HELZ: variants seen among roughly 807,000 people sequenced by gnomAD.
HELZ encodes the protein ATP-dependent RNA helicase with zinc finger domain.
Under a neutral mutation model 218.2 loss-of-function variants are expected in HELZ, and 23 were observed. The observed-to-expected ratio is 0.11, with a 90% CI of 0.08 to 0.15. The LOEUF (loss-of-function observed/expected upper bound fraction) is 0.15. Among genes scored for constraint, HELZ ranks in the 10% least tolerant of loss-of-function variants. The pLI is 1.00. For synonymous variants in HELZ, 814 were observed against 829.4 expected (o/e 0.98, Z 0.32); for missense variants, 1,813 against 2,353.7 (o/e 0.77, Z 4.75).
At chr17:67,218,004 G>A (rs1422987370) in intron 4 of HELZ, among the ~76,000 whole-genome samples, 3 of 150,738 alleles carry the variant, frequency 2.0e-5, no homozygotes, top group South Asian at 2.1e-4. Flanking sequence ...GTGCAACCTC[G>A]GCTCCCTGCA....
At chr17:67,193,344 C>CAA (rs34516607) in intron 9 of HELZ, among the ~76,000 whole-genome samples, 21 of 91,852 alleles carry the variant, frequency 2.3e-4, no homozygotes, top group Admixed American at 7.0e-4. Flanking sequence ...GACTCTGTCT[C>CAA]AAAAAAAAAA....
chr17:67,127,042 G>T (rs968092526), intron 24 of HELZ, among the ~76,000 whole-genome samples: 2 of 152,154 alleles, frequency 1.3e-5, no homozygotes, highest in Admixed American at 6.5e-5. Flanking sequence ...GCACAGAGGT[G>T]AGAGCAACAA....
intron 21 of HELZ, among the ~76,000 whole-genome samples, chr17:67,138,785 C>T (rs1166200691): frequency 1.3e-5 from 2 of 152,184 alleles, no homozygotes; most frequent in African/African-American, 4.8e-5. Context: ...ATTTTTCAGA[C>T]CCCAATTACT....
At chr17:67,099,263 C>A (rs574634472) in intron 31 of HELZ, among the ~76,000 whole-genome samples, 20 of 152,112 alleles carry the variant, frequency 1.3e-4, no homozygotes, top group Non-Finnish European at 2.5e-4. Context: ...TCAGATTGTT[C>A]CTTTATTTTC....
At chr17:67,239,680 C>T (rs2041271930) in intron 2 of HELZ, 191 bp from the exon 3 acceptor site, 1 of 152,172 alleles carries the variant, frequency 6.6e-6, no homozygotes, top group African/African-American at 2.4e-5. Context: ...TAAAAACAAG[C>T]TTGGTTTAAT....
intron 3 of HELZ, among the ~76,000 whole-genome samples, chr17:67,222,970 G>A (rs542478739): frequency 6.6e-5 from 10 of 152,030 alleles, no homozygotes; most frequent in African/African-American, 2.4e-4. Flanking sequence ...AAGTGAGGCC[G>A]GGCACGGTGG....
chr17:67,213,689 T>C (rs1028972684), intron 5 of HELZ, among the ~76,000 whole-genome samples: 5 of 152,112 alleles, frequency 3.3e-5, no homozygotes, highest in Non-Finnish European at 5.9e-5. Context: ...CTTTTAAGAC[T>C]ATCCTATAAA....
At chr17:67,168,624 T>C (rs2039219049) in intron 13 of HELZ, among the ~76,000 whole-genome samples, 1 of 152,182 alleles carries the variant, frequency 6.6e-6, no homozygotes, top group African/African-American at 2.4e-5. Context: ...TTAAAATAAA[T>C]TTTCATTCAT....
At chr17:67,180,707 G>A (rs1363062180) in intron 12 of HELZ, among the ~76,000 whole-genome samples, 1 of 151,996 alleles carries the variant, frequency 6.6e-6, no homozygotes, top group Non-Finnish European at 1.5e-5. Flanking sequence ...GTGAAACCCA[G>A]TCTCTACTAA....
chr17:67,185,067 G>A (rs1022151987), intron 12 of HELZ, among the ~76,000 whole-genome samples: 1 of 152,126 alleles, frequency 6.6e-6, no homozygotes, highest in Non-Finnish European at 1.5e-5. Flanking sequence ...TGATGAACTG[G>A]CTGAGGCTGA....
At chr17:67,083,530 A>G (rs1449373052) in intron 32 of HELZ, among the ~76,000 whole-genome samples, 2 of 152,168 alleles carry the variant, frequency 1.3e-5, no homozygotes, top group African/African-American at 4.8e-5. Context: ...CAGGAGGCTG[A>G]GGCAGGATAA....
intron 12 of HELZ, among the ~76,000 whole-genome samples, chr17:67,181,635 T>C (rs910066852): frequency 2.0e-5 from 3 of 152,192 alleles, no homozygotes; most frequent in Admixed American, 2.0e-4. Flanking sequence ...TGCTAAATTT[T>C]ATTCCATTTA....
chr17:67,078,474 A>G lies in HELZ; in HGVS notation c.5607T>C (p.Leu1869=). 1 of 1,584,280 alleles carries G rather than the reference A, an allele frequency of 6.3e-7. No individual in the cohort carries two copies. The highest frequency in any genetic ancestry group is 8.6e-7 in the Non-Finnish European group (1 of 1,168,136). The part of the protein sequence containing the change: ...VLQHLGQFPP[L]MPNKQIAESA... ...ACTCCGCGATCTGCTTGTTAGGCAT[A>G]AGGGGTGGAAACTGGCCAAGATGCT... The change falls in exon 33 of 33, where the codon CTT becomes CTC. Residue 1869 remains leucine, a synonymous_variant. Coordinates refer to ENST00000358691, the MANE Select transcript of HELZ (RefSeq NM_014877.4).
rs1433136139 is a variant in HELZ, at chr17:67,077,281, C to CA, written c.*970dup. ...TTAATGTAAACATCAAATAAGGTAC[C>CA]AAAATTTTTACTGGAGAGAAAAAAA... On this transcript the variant is annotated 3_prime_UTR_variant, in exon 33 of 33. Transcript: ENST00000358691. 2.6e-5 allele frequency: 4 copies of CA among 152,170 alleles called. No individual in the cohort carries two copies. The highest frequency in any genetic ancestry group is 4.4e-5 in the Non-Finnish European group (3 of 67,946). The allele number at this position is 152,170 out of a possible 1,614,324, so 9.4% of individuals were successfully genotyped here.
intron 6 of HELZ, among the ~76,000 whole-genome samples, chr17:67,202,739 A>C (rs1385722955): frequency 6.6e-6 from 1 of 152,242 alleles, no homozygotes; most frequent in Non-Finnish European, 1.5e-5. Context: ...TCATATCTTC[A>C]AAGAAAATCA....
chr17:67,232,787 T>C (rs960448596), intron 3 of HELZ, among the ~76,000 whole-genome samples: 1 of 152,228 alleles, frequency 6.6e-6, no homozygotes, highest in Non-Finnish European at 1.5e-5. Flanking sequence ...ACACTCTTCT[T>C]TCTACTTTTG....
chr17:67,076,875 T>C lies in HELZ; in HGVS notation c.*1377A>G, dbSNP rs982636450. ...TCTTATTTTTTTTTAAAAGTTTATA[T>C]TGTAGTTTCGAGATACCTCTGAAAT... On this transcript the variant is annotated 3_prime_UTR_variant, in exon 33 of 33. Transcript: ENST00000358691. The C allele has an allele frequency of 3.2e-4, 49 of 152,142 alleles. No homozygotes were observed. The highest frequency in any genetic ancestry group is 6.5e-5 in the Admixed American group (1 of 15,268). The allele number at this position is 152,142 out of a possible 1,614,324, so 9.4% of individuals were successfully genotyped here. A position where few individuals can be genotyped will look rare whatever the true frequency, so the allele number is the denominator to read the frequency against.
intron 7 of HELZ, among the ~76,000 whole-genome samples, chr17:67,199,691 A>C (rs1342375316): frequency 1.3e-5 from 2 of 152,238 alleles, no homozygotes; most frequent in East Asian, 3.8e-4. Context: ...GTAGCAAAAC[A>C]GTTATTTTTT....
intron 7 of HELZ, among the ~76,000 whole-genome samples, chr17:67,196,147 C>A (rs190661438): frequency 6.6e-6 from 1 of 152,068 alleles, no homozygotes; most frequent in Non-Finnish European, 1.5e-5. Flanking sequence ...CCACCACGCC[C>A]GGCTAGAGGT....
Sources: allele counts gnomAD v4.1 joint callset (sites outside exome capture counted in the v4.1 genomes callset), GRCh38; gene constraint gnomAD v4.1.1; transcripts MANE v1.5; gene names NCBI Gene and HGNC (gene_info 2026-07-23, HGNC 2026-07-21).